The following TMEM192 variants were observed in gnomAD, a reference collection of about 807,000 sequenced individuals.
TMEM192 encodes transmembrane protein 192.
TMEM192 carries 20 observed loss-of-function variants against 26.7 expected under a neutral mutation model. The ratio of observed to expected loss-of-function variants is 0.75; its 90% CI spans 0.53 to 1.09. The LOEUF (loss-of-function observed/expected upper bound fraction) is 1.09. TMEM192 is among the 50% of genes least tolerant of loss of function. The pLI is 0.00. For synonymous variants in TMEM192, 124 were observed against 121.0 expected, an observed-to-expected ratio of 1.02 and a Z score of -0.16; for missense variants, 304 against 322.6, an observed-to-expected ratio of 0.94 and a Z score of 0.44.
rs1468476336 is a variant in TMEM192, at chr4:165,074,594, A to C, written c.*5064T>G. 2.6e-5 allele frequency: 4 copies of C among 151,906 alleles called. No individual in the cohort carries two copies. The highest frequency in any genetic ancestry group is 4.4e-5 in the Non-Finnish European group (3 of 68,030). 9.4% of individuals were successfully genotyped at this position (151,906 alleles called of 1,614,324 possible). A position where few individuals can be genotyped will look rare whatever the true frequency, so the allele number is the denominator to read the frequency against. ...CCTGAGTAGCTGGGATTACAGGTGC[A>C]CTTCACTGCACCTGGCTATTTTGTA... On this transcript the variant is annotated 3_prime_UTR_variant, in exon 6 of 6. Coordinates refer to ENST00000306480, the MANE Select transcript of TMEM192 (RefSeq NM_001100389.2).
At chr4:165,105,543 AC>A (rs1232080841) in intron 1 of TMEM192, among the ~76,000 whole-genome samples, 1 of 152,246 alleles carries the variant, frequency 6.6e-6, no homozygotes, top group Non-Finnish European at 1.5e-5. Flanking sequence ...TGTCAGGAAT[AC>A]TAAATGAGTC....
chr4:165,086,954 A>G (rs569849271), intron 4 of TMEM192, among the ~76,000 whole-genome samples: 2 of 152,032 alleles, frequency 1.3e-5, no homozygotes, highest in Non-Finnish European at 2.9e-5. Context: ...TCTTTACTAA[A>G]AACACAAAAA....
chr4:165,092,438 G>A (rs796922116), intron 3 of TMEM192, among the ~76,000 whole-genome samples: 4 of 152,016 alleles, frequency 2.6e-5, no homozygotes, highest in African/African-American at 9.6e-5. Flanking sequence ...GCTGTCCTAG[G>A]GAGTGAGTTA....
chr4:165,089,040 CAAAAAAAAAAAAA>C (rs56000323), intron 3 of TMEM192, among the ~76,000 whole-genome samples: 1 of 47,290 alleles, frequency 2.1e-5, no homozygotes, highest in Non-Finnish European at 3.4e-5. Context: ...GACCCTACTG[CAAAAAAAAAAAAA>C]AAAAAAAAAA....
chr4:165,084,544 A>G (rs1397783494), intron 5 of TMEM192, among the ~76,000 whole-genome samples: 1 of 151,942 alleles, frequency 6.6e-6, no homozygotes, highest in Non-Finnish European at 1.5e-5. Flanking sequence ...GTCTGTTGCT[A>G]TCCACTTCAG....
rs757203688 is a variant in TMEM192, at chr4:165,077,869, G to A, written c.*1789C>T. ...AACAAAAAAAAACGGAAGGGAGAAA[G>A]GAAATTTTAAAAATACAATTTGGCT... is the stretch of plus-strand genomic sequence containing the variant. On this transcript the variant is annotated 3_prime_UTR_variant, in exon 6 of 6. Coordinates refer to ENST00000306480, the MANE Select transcript of TMEM192 (RefSeq NM_001100389.2). The A allele has an allele frequency of 4.0e-5, 6 of 150,814 alleles. No homozygotes were observed. Among genetic ancestry groups the A allele is most frequent in the Middle Eastern group, 3.4e-3 (1 of 292 alleles). The allele number at this position is 150,814 out of a possible 1,614,324, so 9.3% of individuals were successfully genotyped here.
Position 165,079,674 on chromosome 4 carries a change from T to A in TMEM192, c.800A>T (p.Gln267Leu). 6.2e-7 allele frequency: 1 copy of A among 1,611,672 alleles called. No individual in the cohort carries two copies. Among genetic ancestry groups the A allele is most frequent in the East Asian group, 2.2e-5 (1 of 44,664 alleles). ...GTGAGCCTCTCACGTTCTACTTGGC[T>A]GACAGCCCAGGTCTGAGGAAGTGAG... is the stretch of plus-strand genomic sequence containing the variant. ...LALTSSDLGC[Q>L]PSRT Residue 267 changes from glutamine (Q) to leucine (L), a missense_variant, in exon 6 of 6, where the codon CAG becomes CTG. Transcript: ENST00000306480.
At chr4:165,107,172 C>A (rs1037224141) in intron 1 of TMEM192, among the ~76,000 whole-genome samples, 1 of 151,754 alleles carries the variant, frequency 6.6e-6, no homozygotes, top group Admixed American at 6.6e-5. Flanking sequence ...TTACAAGTGC[C>A]CGACACCTTG....
chr4:165,100,315 A>C (rs1735009043), intron 3 of TMEM192, among the ~76,000 whole-genome samples: 1 of 151,912 alleles, frequency 6.6e-6, no homozygotes. Context: ...ATGCACCACC[A>C]CGCCCAGCTA....
chr4:165,108,364 G>A (rs889628305), intron 1 of TMEM192, among the ~76,000 whole-genome samples: 5 of 151,836 alleles, frequency 3.3e-5, no homozygotes, highest in African/African-American at 4.8e-5. Flanking sequence ...CTCGTGATCC[G>A]CTCGCCTCAG....
Position 165,079,435 on chromosome 4 carries a change from C to T in TMEM192, c.*223G>A. The T allele has an allele frequency of 2.2e-6, 1 of 445,240 alleles. No homozygotes were observed. Among genetic ancestry groups the T allele is most frequent in the Admixed American group, 4.1e-5 (1 of 24,228 alleles). The allele number at this position is 445,240 out of a possible 1,614,324, so 27.6% of individuals were successfully genotyped here. On this transcript the variant is annotated 3_prime_UTR_variant, in exon 6 of 6. Coordinates refer to ENST00000306480, the MANE Select transcript of TMEM192 (RefSeq NM_001100389.2). ...AATAATTTCCAAAAGTACAAACAGA[C>T]ATTCCCCTCAAGTTATCCGGGCTTC...
In TMEM192 at chr4:165,081,361, CT is replaced by C. The variant is rs1285304064; in HGVS notation, c.678-1566del. ...TAGAGTCAACTCTTGTATATACTGA[CT>C]TTTTTTTTTTTGAGACCGAGTCTCT... On this transcript the variant is annotated intron_variant, in intron 5 of 5. Transcript: ENST00000306480. Among the ~76,000 whole-genome samples, 1,419 of 142,236 alleles carry C rather than the reference CT, an allele frequency of 1.0e-2. 11 individuals carry two copies. The highest frequency in any genetic ancestry group is 0.023 in the Middle Eastern group (6 of 266). The allele number at this position is 142,236 out of a possible 152,430, so 93.3% of individuals were successfully genotyped here.
At chr4:165,101,034 T>C in intron 2 of TMEM192, 142 bp from the exon 3 acceptor site, 1 of 889,916 alleles carries the variant, frequency 1.1e-6, no homozygotes, top group South Asian at 1.9e-5. Flanking sequence ...TGGAGTGCAG[T>C]GGCGCAATCT....
Position 165,088,542 on chromosome 4 carries a change from A to G in TMEM192, c.500T>C (p.Leu167Ser). 6.2e-7 allele frequency: 1 copy of G among 1,613,672 alleles called. No homozygotes were observed. The change falls in exon 4 of 6, where the codon TTG becomes TCG. Residue 167 changes from leucine (L) to serine (S), a missense_variant. Leu to Ser is a moderately radical substitution (Grantham distance 145). Coordinates refer to ENST00000306480, the MANE Select transcript of TMEM192 (RefSeq NM_001100389.2). ...MQHSFPEPGR[L>S]YLDLILAILA... ...GATGGCCAGAATGAGGTCAAGATAC[A>G]ATCTGCCAGGCTCTGGGAAGGAGTG...
intron 3 of TMEM192, 103 bp from the exon 4 acceptor site, chr4:165,088,705 T>G: frequency 3.4e-6 from 4 of 1,168,874 alleles, no homozygotes; most frequent in South Asian, 1.8e-5. Context: ...ACAGAGCTCC[T>G]AAAACACTTG....
At chr4:165,088,225 C>A (rs1448579547) in intron 4 of TMEM192, among the ~76,000 whole-genome samples, 2 of 152,086 alleles carry the variant, frequency 1.3e-5, no homozygotes, top group East Asian at 3.9e-4. Context: ...AAGTTTGTGT[C>A]TTGTTTTAAT....
intron 5 of TMEM192, among the ~76,000 whole-genome samples, chr4:165,083,949 G>T (rs1379836058): frequency 6.7e-6 from 1 of 148,824 alleles, no homozygotes; most frequent in African/African-American, 2.5e-5. Context: ...AGCCTCCTGA[G>T]TAGCTGGGAC....
chr4:165,104,678 G>A (rs1331405980), intron 1 of TMEM192, among the ~76,000 whole-genome samples: 12 of 152,078 alleles, frequency 7.9e-5, no homozygotes, highest in East Asian at 3.9e-4. Context: ...TTAAAGGCAC[G>A]CGCCACTATG....
At chr4:165,093,964 A>C (rs1224110229) in intron 3 of TMEM192, among the ~76,000 whole-genome samples, 1 of 151,988 alleles carries the variant, frequency 6.6e-6, no homozygotes, top group Non-Finnish European at 1.5e-5. Context: ...CAATGACATG[A>C]TCTTGGCTGA....
Sources: allele counts gnomAD v4.1 joint callset (sites outside exome capture counted in the v4.1 genomes callset), GRCh38; gene constraint gnomAD v4.1.1; transcripts MANE v1.5; gene names NCBI Gene and HGNC (gene_info 2026-07-23, HGNC 2026-07-21).